ATF2: variants seen among roughly 807,000 people sequenced by gnomAD.
The protein encoded by ATF2 is cyclic AMP-dependent transcription factor ATF-2.
A neutral mutation model predicts 60.6 loss-of-function variants in ATF2; 24 were observed. The ratio of observed to expected loss-of-function variants is 0.40; its 90% CI spans 0.29 to 0.56. The LOEUF is 0.56. ATF2 is among the 20% of genes least tolerant of loss of function. ATF2 has a pLI of 0.54. For missense variants in ATF2, 433 were observed against 607.7 expected (o/e 0.71, Z 3.02); for synonymous variants, 206 against 215.4 (o/e 0.96, Z 0.38).
At chr2:175,106,663 C>G (rs1161373802) in intron 10 of ATF2, among the ~76,000 whole-genome samples, 1 of 151,770 alleles carries the variant, frequency 6.6e-6, no homozygotes, top group Non-Finnish European at 1.5e-5. Context: ...TGGTGAAACC[C>G]CATCTCTACT....
intron 1 of ATF2, among the ~76,000 whole-genome samples, chr2:175,159,684 T>C (rs1294522942): frequency 1.3e-5 from 2 of 152,224 alleles, no homozygotes; most frequent in Non-Finnish European, 2.9e-5. Context: ...GTCCAATTTT[T>C]AAATTAAATA....
At chr2:175,112,337 C>T (rs139915817) in intron 9 of ATF2, among the ~76,000 whole-genome samples, 389 of 152,180 alleles carry the variant, frequency 2.6e-3, no homozygotes, top group Admixed American at 3.9e-3. Flanking sequence ...GAAGCAGATA[C>T]CTTATATCTG....
intron 1 of ATF2, among the ~76,000 whole-genome samples, chr2:175,162,252 ATAAC>A (rs1472339349): frequency 1.2e-4 from 19 of 152,270 alleles, no homozygotes; most frequent in African/African-American, 4.3e-4. Flanking sequence ...TGGTAGATAA[ATAAC>A]TATAGTATGA....
chr2:175,141,394 A>C (rs909529673), intron 2 of ATF2, among the ~76,000 whole-genome samples: 1 of 152,064 alleles, frequency 6.6e-6, no homozygotes, highest in African/African-American at 2.4e-5. Flanking sequence ...ACTTTATCCA[A>C]ATTAAATACA....
chr2:175,127,649 T>C (rs1423334710), intron 4 of ATF2, among the ~76,000 whole-genome samples: 2 of 152,194 alleles, frequency 1.3e-5, no homozygotes, highest in South Asian at 4.1e-4. Flanking sequence ...GCCACAGTAG[T>C]TGCGTTTCTG....
At chr2:175,105,968 T>C (rs1253726977) in intron 10 of ATF2, among the ~76,000 whole-genome samples, 1 of 152,136 alleles carries the variant, frequency 6.6e-6, no homozygotes, top group Non-Finnish European at 1.5e-5. Context: ...TCAAAATTTG[T>C]GCACAGAGGA....
chr2:175,085,795 G>A (rs1694130925), intron 12 of ATF2, among the ~76,000 whole-genome samples: 1 of 152,132 alleles, frequency 6.6e-6, no homozygotes, highest in Non-Finnish European at 1.5e-5. Context: ...TACAGTACTT[G>A]ATTCTTGCTA....
In ATF2 at chr2:175,085,184, T is replaced by A. The variant is rs1229327651; in HGVS notation, c.1186-4419A>T. 2.0e-5 allele frequency among the ~76,000 whole-genome samples: 3 copies of A among 152,316 alleles called. No individual in the cohort carries two copies. In the East Asian group the frequency reaches 5.8e-4, roughly 29 times the overall value. On this transcript the variant is annotated intron_variant, in intron 12 of 13. Coordinates refer to ENST00000264110, the MANE Select transcript of ATF2 (RefSeq NM_001880.4). ...CCGTATTATGTAACAAAATGCTATA[T>A]GTGACAAAAGTACTGAAAGTGTTAT...
intron 12 of ATF2, among the ~76,000 whole-genome samples, chr2:175,081,306 A>G (rs1176469528): frequency 6.6e-6 from 1 of 152,226 alleles, no homozygotes; most frequent in East Asian, 1.9e-4. Flanking sequence ...GAAACCAATG[A>G]AACTAGATAT....
rs527564841 is a variant in ATF2 at position 175,100,529 on chromosome 2, C to G, written c.829-2936G>C. Among the ~76,000 whole-genome samples the G allele has an allele frequency of 3.3e-5, 5 of 152,296 alleles. No homozygotes were observed. In the South Asian group the frequency reaches 1.0e-3, roughly 32 times the overall value. The stretch of plus-strand genomic sequence containing the variant: ...TAATTAGGAATAAATAGTAACTTCT[C>G]TTAGAAGCAAAATTTATTCAAAGAC... On this transcript the variant is annotated intron_variant, in intron 10 of 13. Transcript: ENST00000264110.
intron 13 of ATF2, among the ~76,000 whole-genome samples, chr2:175,079,517 T>C (rs180769928): frequency 1.3e-5 from 2 of 152,204 alleles, no homozygotes; most frequent in East Asian, 3.9e-4. Flanking sequence ...TGTTTCACCA[T>C]CCTGTCAAAA....
chr2:175,153,661 T>C (rs1359554473), intron 1 of ATF2, among the ~76,000 whole-genome samples: 1 of 151,898 alleles, frequency 6.6e-6, no homozygotes, highest in East Asian at 1.9e-4. Flanking sequence ...AACCCCCGTC[T>C]CTACTAAAAA....
In ATF2 at chr2:175,083,249, C is replaced by A. The variant is rs554098369; in HGVS notation, c.1186-2484G>T. On this transcript the variant is annotated intron_variant, in intron 12 of 13. Coordinates refer to ENST00000264110, the MANE Select transcript of ATF2 (RefSeq NM_001880.4). ...TCACGCTACCTGACTTCAAACTATA[C>A]TACAAGGCTACAGTAACCAAAACAG... 4.9e-3 allele frequency among the ~76,000 whole-genome samples: 749 copies of A among 152,016 alleles called. 4 individuals carry two copies. The highest frequency in any genetic ancestry group is 0.017 in the African/African-American group (688 of 41,454).
intron 1 of ATF2, 49 bp downstream of exon 1, chr2:175,167,994 TTTCTCCG>T (rs1700486902): frequency 3.1e-6 from 1 of 327,728 alleles, no homozygotes. Flanking sequence ...TAGCGCCTTC[TTTCTCCG>T]TATCCCTACA....
chr2:175,140,132 CA>C (rs1299778369), intron 2 of ATF2, among the ~76,000 whole-genome samples: 1 of 152,126 alleles, frequency 6.6e-6, no homozygotes, highest in African/African-American at 2.4e-5. Context: ...CACAGATACA[CA>C]TAAGAAAAAG....
At chr2:175,115,621 C>A (rs1230520669) in intron 7 of ATF2, among the ~76,000 whole-genome samples, 2 of 152,054 alleles carry the variant, frequency 1.3e-5, no homozygotes, top group Non-Finnish European at 2.9e-5. Flanking sequence ...CTGTATGCTG[C>A]CACTTATCAT....
intron 1 of ATF2, among the ~76,000 whole-genome samples, chr2:175,159,895 T>C (rs1229936353): frequency 1.3e-5 from 2 of 152,228 alleles, no homozygotes. Context: ...CTAAGGTCCA[T>C]AGCATTATTT....
intron 12 of ATF2, among the ~76,000 whole-genome samples, chr2:175,083,302 T>C (rs1031701977): frequency 9.9e-5 from 15 of 152,020 alleles, no homozygotes; most frequent in African/African-American, 2.7e-4. Flanking sequence ...AACAGAGATA[T>C]AGATCAATGG....
intron 1 of ATF2, among the ~76,000 whole-genome samples, chr2:175,165,074 C>G (rs1700264984): frequency 1.3e-5 from 2 of 152,180 alleles, no homozygotes; most frequent in Admixed American, 6.5e-5. Flanking sequence ...CCGCCTGCCT[C>G]AGCCTCCCAA....
Sources: allele counts gnomAD v4.1 joint callset (sites outside exome capture counted in the v4.1 genomes callset), GRCh38; gene constraint gnomAD v4.1.1; transcripts MANE v1.5; gene names NCBI Gene and HGNC (gene_info 2026-07-23, HGNC 2026-07-21).